PRRX2: variants seen among roughly 807,000 people sequenced by gnomAD.
PRRX2 encodes paired mesoderm homeobox protein 2.
Under a neutral mutation model 18.0 loss-of-function variants are expected in PRRX2, and 11 were observed. That is an observed-to-expected ratio of 0.61 (90% CI 0.39 to 1.01). The LOEUF (loss-of-function observed/expected upper bound fraction) is 1.01. Among genes scored for constraint, PRRX2 ranks in the 50% least tolerant of loss-of-function variants. The pLI is 0.01. For missense variants in PRRX2, 387 were observed against 351.0 expected (o/e 1.10, Z -0.82); for synonymous variants, 177 against 154.8 (o/e 1.14, Z -1.06).
At chr9:129,706,390 C>T (rs1043337937) in intron 1 of PRRX2, among the ~76,000 whole-genome samples, 1 of 152,036 alleles carries the variant, frequency 6.6e-6, no homozygotes, top group African/African-American at 2.4e-5. Context: ...CCGGTAAAAC[C>T]CTGTCTCTAC....
At chr9:129,696,089 AAAAG>A (rs1370601707) in intron 1 of PRRX2, among the ~76,000 whole-genome samples, 2 of 152,166 alleles carry the variant, frequency 1.3e-5, no homozygotes, top group Non-Finnish European at 2.9e-5. Context: ...AACGAAAAAA[AAAAG>A]AAAGGTGGGG....
intron 1 of PRRX2, among the ~76,000 whole-genome samples, chr9:129,687,665 GC>G (rs1832312895): frequency 6.6e-6 from 1 of 152,234 alleles, no homozygotes; most frequent in Admixed American, 6.5e-5. Flanking sequence ...TTTGATCGCT[GC>G]GCCAACTCCG....
intron 1 of PRRX2, among the ~76,000 whole-genome samples, chr9:129,690,132 A>T (rs910470471): frequency 2.6e-5 from 4 of 151,666 alleles, no homozygotes; most frequent in African/African-American, 9.7e-5. Flanking sequence ...GCCCTGTCCC[A>T]CCCTGCTGCC....
chr9:129,704,488 C>T (rs1023973642), intron 1 of PRRX2, among the ~76,000 whole-genome samples: 4 of 152,086 alleles, frequency 2.6e-5, no homozygotes, highest in African/African-American at 9.7e-5. Context: ...CTGGTAGCCC[C>T]CCTAACCCAA....
chr9:129,674,761 C>T (rs898409487), intron 1 of PRRX2, among the ~76,000 whole-genome samples: 9 of 152,182 alleles, frequency 5.9e-5, no homozygotes, highest in African/African-American at 1.9e-4. Context: ...CCTTGCCCAG[C>T]TCTACAGCTT....
chr9:129,712,326 A>G (rs1420662919), intron 1 of PRRX2, among the ~76,000 whole-genome samples: 1 of 152,212 alleles, frequency 6.6e-6, no homozygotes, highest in Non-Finnish European at 1.5e-5. Context: ...AAAAACAAAT[A>G]GAGTGTGTCT....
Position 129,719,333 on chromosome 9 carries a change from G to GC in PRRX2, c.363dup (p.Val122ArgfsTer42), listed in dbSNP as rs781559184. 2 of 1,600,006 alleles carry GC rather than the reference G, an allele frequency of 1.3e-6. No individual in the cohort carries two copies. On this transcript the variant is annotated frameshift_variant, in exon 2 of 4. Coordinates refer to ENST00000372469, the MANE Select transcript of PRRX2 (RefSeq NM_016307.4). LOFTEE classifies it high-confidence loss of function. ...AGCAGCCAACTGCAGGCGCTGGAGC[G>GC]CGTGTTCGAGCGCACGCACTACCCC...
At chr9:129,687,017 A>G (rs1588165873) in intron 1 of PRRX2, among the ~76,000 whole-genome samples, 1 of 152,076 alleles carries the variant, frequency 6.6e-6, no homozygotes, top group Non-Finnish European at 1.5e-5. Flanking sequence ...AGGGACAGCC[A>G]CCTGCAGGGA....
intron 1 of PRRX2, among the ~76,000 whole-genome samples, chr9:129,687,090 C>T (rs985273505): frequency 6.6e-6 from 1 of 152,114 alleles, no homozygotes; most frequent in East Asian, 1.9e-4. Flanking sequence ...CAGGTGCCCT[C>T]CTCCTACTTG....
At chr9:129,679,340 G>A (rs544414750) in intron 1 of PRRX2, among the ~76,000 whole-genome samples, 3 of 152,270 alleles carry the variant, frequency 2.0e-5, no homozygotes, top group South Asian at 4.1e-4. Context: ...GCTGGGTGAC[G>A]GTGGCAGGGG....
intron 1 of PRRX2, 45 bp downstream of exon 1, chr9:129,666,171 G>GGGCCGA: frequency 1.0e-6 from 1 of 997,152 alleles, no homozygotes; most frequent in Non-Finnish European, 1.2e-6. Context: ...GCCGGGGCCG[G>GGGCCGA]GGCCGGGGCC....
At chr9:129,716,050 C>T (rs921820222) in intron 1 of PRRX2, among the ~76,000 whole-genome samples, 1 of 152,162 alleles carries the variant, frequency 6.6e-6, no homozygotes, top group Admixed American at 6.5e-5. Context: ...ATCCAAAGCT[C>T]TTCTGTTGGC....
chr9:129,721,376 C>T (rs1267435216), intron 3 of PRRX2, among the ~76,000 whole-genome samples: 1 of 152,020 alleles, frequency 6.6e-6, no homozygotes, highest in African/African-American at 2.4e-5. Flanking sequence ...AGGAGGTGCT[C>T]GAGAGTCGGG....
At chr9:129,677,813 T>C (rs1325739998) in intron 1 of PRRX2, among the ~76,000 whole-genome samples, 1 of 152,024 alleles carries the variant, frequency 6.6e-6, no homozygotes, top group Non-Finnish European at 1.5e-5. Context: ...AGACAAGAAG[T>C]AAAAACGGAC....
chr9:129,690,716 C>T (rs1302853979), intron 1 of PRRX2, among the ~76,000 whole-genome samples: 1 of 151,724 alleles, frequency 6.6e-6, no homozygotes, highest in East Asian at 2.0e-4. Context: ...CTATGTTGAC[C>T]AGGCTGGTCT....
At chr9:129,719,663 A>G (rs552257390) in intron 2 of PRRX2, among the ~76,000 whole-genome samples, 1 of 152,260 alleles carries the variant, frequency 6.6e-6, no homozygotes, top group Non-Finnish European at 1.5e-5. Context: ...GGTCTTTGCT[A>G]TAGGGGTCCT....
At chr9:129,719,816 A>G (rs909543988) in intron 2 of PRRX2, among the ~76,000 whole-genome samples, 1 of 152,130 alleles carries the variant, frequency 6.6e-6, no homozygotes, top group East Asian at 1.9e-4. Flanking sequence ...ATGAAACCCC[A>G]TCTTTACTAA....
chr9:129,674,309 T>C (rs898665200), intron 1 of PRRX2, among the ~76,000 whole-genome samples: 12 of 152,120 alleles, frequency 7.9e-5, no homozygotes, highest in African/African-American at 2.7e-4. Flanking sequence ...TTTCCTTGTG[T>C]CCTAAAAATG....
chr9:129,711,524 G>A (rs1388041340), intron 1 of PRRX2, among the ~76,000 whole-genome samples: 1 of 147,816 alleles, frequency 6.8e-6, no homozygotes, highest in African/African-American at 2.5e-5. Context: ...TCATGCCCCA[G>A]CCTCCCAAGT....
Sources: allele counts gnomAD v4.1 joint callset (sites outside exome capture counted in the v4.1 genomes callset), GRCh38; gene constraint gnomAD v4.1.1; transcripts MANE v1.5; gene names NCBI Gene and HGNC (gene_info 2026-07-23, HGNC 2026-07-21).